MAML2: variants seen among roughly 807,000 people sequenced by gnomAD.
The protein encoded by MAML2 is mastermind like transcriptional coactivator 2, also known as mastermind-like protein 2.
A neutral mutation model predicts 96.1 loss-of-function variants in MAML2; 22 were observed. The ratio of observed to expected loss-of-function variants is 0.23; its 90% CI spans 0.16 to 0.33. MAML2 has a LOEUF of 0.33. Ranked by LOEUF, MAML2 falls within the 10% of genes least tolerant of loss-of-function variation. MAML2 has a pLI of 1.00. For missense variants in MAML2, 1,367 were observed against 1,392.4 expected (o/e 0.98, Z 0.29); for synonymous variants, 561 against 521.3 (o/e 1.08, Z -1.04).
intron 1 of MAML2, among the ~76,000 whole-genome samples, chr11:96,280,201 G>A (rs1165965204): frequency 6.6e-6 from 1 of 152,130 alleles, no homozygotes; most frequent in Non-Finnish European, 1.5e-5. Context: ...TGTGTAGTTG[G>A]TAGGTGGAAT....
intron 2 of MAML2, among the ~76,000 whole-genome samples, chr11:96,009,959 G>A (rs11021383): frequency 0.28 from 42,242 of 151,966 alleles, 6,118 homozygotes; most frequent in South Asian, 0.42. Context: ...TTTATAAGGC[G>A]TGGGTTATGA....
chr11:95,983,082 G>T (rs1857766851), intron 4 of MAML2, among the ~76,000 whole-genome samples: 1 of 152,114 alleles, frequency 6.6e-6, no homozygotes, highest in Admixed American at 6.5e-5. Context: ...CCTCAGGCAG[G>T]TCTTTCAGGA....
intron 2 of MAML2, among the ~76,000 whole-genome samples, chr11:96,054,907 G>T (rs78418168): frequency 0.022 from 3,333 of 152,270 alleles, 124 homozygotes; most frequent in African/African-American, 0.076. Context: ...AGACAGTATA[G>T]TAGGGAGATT....
At chr11:96,295,050 TATAGAAGCAC>T (rs1423487945) in intron 1 of MAML2, among the ~76,000 whole-genome samples, 2 of 152,198 alleles carry the variant, frequency 1.3e-5, no homozygotes, top group Admixed American at 6.5e-5. Flanking sequence ...TTCTCCCAGG[TATAGAAGCAC>T]ATTTTCAAAT....
rs1862564640 is a variant in MAML2, at chr11:96,250,238, G to T, written c.513+91145C>A. On this transcript the variant is annotated intron_variant, in intron 1 of 4. Transcript: ENST00000524717. ...GCTTTTCTTTTTTATTTAAAAAAAT[G>T]TTTAAAATTTAAAAATTTTTTATTC... Among the ~76,000 whole-genome samples the T allele has an allele frequency of 4.0e-5, 6 of 150,938 alleles. No homozygotes were observed. The South Asian group carries it at 1.3e-3, about 32-fold the overall frequency.
intron 1 of MAML2, among the ~76,000 whole-genome samples, chr11:96,212,190 T>G (rs1470699253): frequency 6.7e-6 from 1 of 148,610 alleles, no homozygotes; most frequent in African/African-American, 2.5e-5. Context: ...ATACAATTTT[T>G]GAAGTACCTG....
intron 1 of MAML2, among the ~76,000 whole-genome samples, chr11:96,264,426 T>C (rs1369920325): frequency 4.6e-5 from 7 of 152,170 alleles, no homozygotes. Context: ...AATAACCCAT[T>C]TGAACACAAT....
chr11:96,190,714 T>C (rs973637950), intron 1 of MAML2, among the ~76,000 whole-genome samples: 1 of 152,114 alleles, frequency 6.6e-6, no homozygotes, highest in African/African-American at 2.4e-5. Context: ...TAAATGTAAA[T>C]CCCTCTTCAT....
In MAML2 at chr11:96,092,442, A is replaced by G. The variant is rs755700570; in HGVS notation, c.1589T>C (p.Met530Thr). Residue 530 changes from methionine to threonine, a missense_variant, in exon 2 of 5, where the codon ATG becomes ACG. Physicochemically the swap from Met to Thr is moderately conservative, Grantham distance 81. Transcript: ENST00000524717. The surrounding 1 kb of genome is among the most constrained non-coding windows in gnomAD (Gnocchi z 4.1). ...SAQGGHLDVL[M>T]QQKPQDLSRS... ...ACTGAGATCCTGAGGCTTTTGCTGCATGAGGACATCTAGGTGCCCACCCTG... is the reference window on the plus strand; with the variant it reads ...ACTGAGATCCTGAGGCTTTTGCTGCGTGAGGACATCTAGGTGCCCACCCTG... The G allele has an allele frequency of 6.2e-7, 1 of 1,613,692 alleles. No individual in the cohort carries two copies. Among genetic ancestry groups the G allele is most frequent in the South Asian group, 1.1e-5 (1 of 91,038 alleles).
intron 1 of MAML2, among the ~76,000 whole-genome samples, chr11:96,168,120 C>T (rs1316081333): frequency 2.0e-5 from 3 of 152,178 alleles, no homozygotes; most frequent in Admixed American, 6.5e-5. Context: ...GTGCCATTTA[C>T]AGGCTCTCTA....
chr11:96,293,008 T>G (rs1268951797), intron 1 of MAML2, among the ~76,000 whole-genome samples: 1 of 152,166 alleles, frequency 6.6e-6, no homozygotes, highest in Non-Finnish European at 1.5e-5. Flanking sequence ...TGTCTTCAAA[T>G]AGTATACTGT....
At chr11:96,242,535 T>C (rs1862450623) in intron 1 of MAML2, among the ~76,000 whole-genome samples, 1 of 152,222 alleles carries the variant, frequency 6.6e-6, no homozygotes, top group South Asian at 2.1e-4. Context: ...AGTTGAATTA[T>C]AGGTACAGCA....
Position 96,093,070 on chromosome 11 carries a change from T to C in MAML2, c.961A>G (p.Met321Val), listed in dbSNP as rs1446916602. ...ATGTTCTCCAGTTCAAGGTCACTCA[T>C]GGGAGGCACAGATATGTTGGTCAGT... ...NELTNISVPPMSDLELENMIN... is the reference protein window; with the variant it reads ...NELTNISVPPVSDLELENMIN... The change falls in exon 2 of 5, where the codon ATG (methionine) becomes GTG (valine). Residue 321 changes from methionine (M) to valine (V), a missense_variant. Physicochemically the swap from Met to Val is conservative, Grantham distance 21. Coordinates refer to ENST00000524717, the MANE Select transcript of MAML2 (RefSeq NM_032427.4). The C allele has an allele frequency of 2.5e-6, 4 of 1,613,942 alleles. No homozygotes were observed. The highest frequency in any genetic ancestry group is 1.1e-5 in the South Asian group (1 of 91,092).
intron 1 of MAML2, among the ~76,000 whole-genome samples, chr11:96,289,663 G>A (rs1863183900): frequency 6.6e-6 from 1 of 152,162 alleles, no homozygotes; most frequent in Non-Finnish European, 1.5e-5. Context: ...ACCTGCGACA[G>A]TTTTAAGGGA....
At chr11:96,028,443 C>A (rs1393836832) in intron 2 of MAML2, among the ~76,000 whole-genome samples, 1 of 152,200 alleles carries the variant, frequency 6.6e-6, no homozygotes. Flanking sequence ...CTAATATTGT[C>A]CTCTAAATCC....
intron 1 of MAML2, among the ~76,000 whole-genome samples, chr11:96,095,303 G>A (rs994706763): frequency 6.6e-6 from 1 of 152,190 alleles, no homozygotes; most frequent in Admixed American, 6.5e-5. Context: ...GGAAAAATCT[G>A]CTTTTTGTCA....
chr11:96,103,488 C>G (rs563446692), intron 1 of MAML2, among the ~76,000 whole-genome samples: 1 of 152,308 alleles, frequency 6.6e-6, no homozygotes, highest in South Asian at 2.1e-4. Flanking sequence ...GGAGAGTGCC[C>G]TAACAGTGTT....
At chr11:96,132,152 A>G (rs1860558090) in intron 1 of MAML2, among the ~76,000 whole-genome samples, 1 of 152,248 alleles carries the variant, frequency 6.6e-6, no homozygotes, top group African/African-American at 2.4e-5. Flanking sequence ...GTTCTCACCC[A>G]TGTCACGTGC....
In MAML2 at chr11:96,187,775, A is replaced by G. The variant is rs1286823051; in HGVS notation, c.514-94258T>C. On this transcript the variant is annotated intron_variant, in intron 1 of 4. Transcript: ENST00000524717. ...TGCCACTGCACTCCAGCCTGGCGAC[A>G]GAGTGAAACTCTGTCTCAAAAAAAA... Among the ~76,000 whole-genome samples, 5 of 148,766 alleles carry G rather than the reference A, an allele frequency of 3.4e-5. No individual in the cohort carries two copies. The East Asian group carries it at 9.8e-4, about 29-fold the overall frequency.
Sources: gnomAD v4.1 joint callset for allele counts (sites outside exome capture counted in the v4.1 genomes callset) on GRCh38, gnomAD v4.1.1 for gene constraint, Gnocchi (gnomAD v3.1) non-coding constraint, MANE v1.5 for transcripts, NCBI Gene and HGNC (gene_info 2026-07-23, HGNC 2026-07-21) for gene names.